Variants in ZNF614 observed in about 807,000 individuals in gnomAD.
ZNF614 encodes the protein zinc finger protein 614.
A neutral mutation model predicts 12.8 loss-of-function variants in ZNF614; 11 were observed. The observed-to-expected ratio is 0.86, with a 90% CI of 0.54 to 1.43. The LOEUF (loss-of-function observed/expected upper bound fraction) is 1.43, where lower values mean the gene tolerates loss of function less well. ZNF614 is among the 40% of genes most tolerant of loss of function. The pLI is 0.00. For missense variants in ZNF614, 664 were observed against 708.8 expected, an observed-to-expected ratio of 0.94 and a Z score of 0.72; for synonymous variants, 237 against 237.5, an observed-to-expected ratio of 1.00 and a Z score of 0.02.
At position 52,016,427 on chromosome 19, in the gene ZNF614, G is replaced by A. The variant is rs1288086201; in HGVS notation, c.1171C>T (p.Arg391Cys). The A allele has an allele frequency of 3.1e-6, 5 of 1,613,930 alleles. No homozygotes were observed. The highest frequency in any genetic ancestry group is 1.1e-5 in the South Asian group (1 of 91,074). ...TAAGATTTTTCTCCTGTGTGGGAGC[G>A]CTGATGTACAATGAGATTGCTCTTC... ...TVKSNLIVHQ[R>C]SHTGEKSYIC... is the part of the protein sequence containing the mutation. Residue 391 changes from arginine (R) to cysteine (C), a missense_variant, in exon 5 of 5, where the codon CGC becomes TGC. Transcript: ENST00000270649.
intron 2 of ZNF614, among the ~76,000 whole-genome samples, chr19:52,019,973 A>G (rs2086923610): frequency 6.6e-6 from 1 of 152,208 alleles, no homozygotes; most frequent in African/African-American, 2.4e-5. Flanking sequence ...TCATTCCAAA[A>G]TCTTTATGTG....
chr19:52,022,318 G>C (rs1000410902), intron 2 of ZNF614, among the ~76,000 whole-genome samples: 3 of 150,838 alleles, frequency 2.0e-5, no homozygotes, highest in Non-Finnish European at 4.4e-5. Flanking sequence ...TCTGGGAAGT[G>C]AGAAGCGCCT....
chr19:52,021,366 ATTTT>A (rs35777799), intron 2 of ZNF614, among the ~76,000 whole-genome samples: 1 of 146,950 alleles, frequency 6.8e-6, no homozygotes, highest in African/African-American at 2.6e-5. Flanking sequence ...AAAGTGTGAG[ATTTT>A]TTTTTTTAAG....
At chr19:52,025,449 G>A (rs139075645) in intron 2 of ZNF614, among the ~76,000 whole-genome samples, 146 of 152,094 alleles carry the variant, frequency 9.6e-4, no homozygotes, top group African/African-American at 3.3e-3. Context: ...TTAGCCTCCC[G>A]AGTAGCTGGG....
At chr19:52,027,745 T>A (rs1307240453) in intron 1 of ZNF614, among the ~76,000 whole-genome samples, 1 of 152,056 alleles carries the variant, frequency 6.6e-6, no homozygotes, top group Non-Finnish European at 1.5e-5. Context: ...CAAAACAGAA[T>A]GAGAGAGGAT....
At chr19:52,027,784 CTACAT>C (rs1233796255) in intron 1 of ZNF614, among the ~76,000 whole-genome samples, 10 of 152,144 alleles carry the variant, frequency 6.6e-5, no homozygotes, top group African/African-American at 2.2e-4. Context: ...TAATTGAAGA[CTACAT>C]TACCCTACTT....
chr19:52,023,236 T>G (rs910573542), intron 2 of ZNF614, among the ~76,000 whole-genome samples: 1 of 151,302 alleles, frequency 6.6e-6, no homozygotes, highest in Non-Finnish European at 1.5e-5. Context: ...TGGCACGATC[T>G]CAGTTCACTG....
intron 1 of ZNF614, among the ~76,000 whole-genome samples, chr19:52,026,280 T>C (rs2086971851): frequency 6.6e-6 from 1 of 152,224 alleles, no homozygotes; most frequent in African/African-American, 2.4e-5. Flanking sequence ...AGAGGCTCCA[T>C]TTTGTTCTGT....
chr19:52,020,583 GCA>G (rs2086927241), intron 2 of ZNF614, among the ~76,000 whole-genome samples: 1 of 152,136 alleles, frequency 6.6e-6, no homozygotes. Context: ...CATGATGTAG[GCA>G]CAGTTTATTG....
rs1170480097 is a variant in ZNF614 at position 52,015,684 on chromosome 19, A to G, written c.*156T>C. The G allele has an allele frequency of 1.4e-6, 1 of 690,522 alleles. No homozygotes were observed. The allele number at this position is 690,522 out of a possible 1,614,324, so 42.8% of individuals were successfully genotyped here. A position where few individuals can be genotyped will look rare whatever the true frequency, so the allele number is the denominator to read the frequency against. The stretch of plus-strand genomic sequence containing the variant: ...ATCAAATTGATCTCTAGGGCAAATT[A>G]TTTCACCTCCTGAGGACAGACACAC... On this transcript the variant is annotated 3_prime_UTR_variant, in exon 5 of 5. Coordinates refer to ENST00000270649, the MANE Select transcript of ZNF614 (RefSeq NM_025040.4).
rs930282549 is a variant in ZNF614, at chr19:52,013,902, G to T, written c.*1938C>A. On this transcript the variant is annotated 3_prime_UTR_variant, in exon 5 of 5. Coordinates refer to ENST00000270649, the MANE Select transcript of ZNF614 (RefSeq NM_025040.4). ...CTACCAATGTTGTTTTTCTGGTTTT[G>T]ATAATTATGGTTATATAGGATATTT... 6.6e-6 allele frequency: 1 copy of T among 152,140 alleles called. No homozygotes were observed. The highest frequency in any genetic ancestry group is 2.4e-5 in the African/African-American group (1 of 41,432). The allele number at this position is 152,140 out of a possible 1,614,324, so 9.4% of individuals were successfully genotyped here. A position where few individuals can be genotyped will look rare whatever the true frequency, so the allele number is the denominator to read the frequency against.
intron 1 of ZNF614, among the ~76,000 whole-genome samples, chr19:52,026,350 A>G (rs6509614): frequency 0.2 from 30,783 of 152,152 alleles, 4,232 homozygotes; most frequent in African/African-American, 0.39. Flanking sequence ...CTCCAACCCT[A>G]TGCTAGCAGA....
At position 52,015,629 on chromosome 19, in the gene ZNF614, A is replaced by G. The variant is rs2086891347; in HGVS notation, c.*211T>C. The G allele has an allele frequency of 2.0e-6, 1 of 498,268 alleles. No individual in the cohort carries two copies. Among genetic ancestry groups the G allele is most frequent in the Admixed American group, 3.7e-5 (1 of 27,094 alleles). 30.9% of individuals were successfully genotyped at this position (498,268 alleles called of 1,614,324 possible). A position where few individuals can be genotyped will look rare whatever the true frequency, so the allele number is the denominator to read the frequency against. ...GACAGAAAATATGAGGTAAAAGACC[A>G]CTAAAGGCACTACCTTATTTACTGT... On this transcript the variant is annotated 3_prime_UTR_variant, in exon 5 of 5. Coordinates refer to ENST00000270649, the MANE Select transcript of ZNF614 (RefSeq NM_025040.4).
intron 4 of ZNF614, chr19:52,017,658 GC>G (rs2123119362): frequency 2.7e-6 from 1 of 365,814 alleles, no homozygotes; most frequent in East Asian, 5.2e-5. Context: ...CCGAGATTGG[GC>G]CATTGCACTC....
intron 2 of ZNF614, among the ~76,000 whole-genome samples, chr19:52,020,936 C>A (rs1432900307): frequency 6.6e-6 from 1 of 152,144 alleles, no homozygotes; most frequent in African/African-American, 2.4e-5. Context: ...CTGTGCAGTA[C>A]CATCCTCCTG....
At chr19:52,021,267 C>T (rs1376556237) in intron 2 of ZNF614, among the ~76,000 whole-genome samples, 1 of 152,094 alleles carries the variant, frequency 6.6e-6, no homozygotes, top group Non-Finnish European at 1.5e-5. Flanking sequence ...GATCAGATTC[C>T]AACCCAGCTA....
rs62107522 is a variant in ZNF614, at chr19:52,026,735, G to C, written c.-216-774C>G. ...TCGTCCCTGGGAATGGAATGTCTCC[G>C]TGTAAAACCCCATTGTCTGTTCTAT... On this transcript the variant is annotated intron_variant, in intron 1 of 4. Transcript: ENST00000270649. 5.6e-3 allele frequency among the ~76,000 whole-genome samples: 852 copies of C among 152,308 alleles called. 4 individuals carry two copies. Among genetic ancestry groups the C allele is most frequent in the Middle Eastern group, 0.014 (4 of 294 alleles).
Position 52,017,047 on chromosome 19 carries a change from T to C in ZNF614, c.551A>G (p.Lys184Arg). ...HTKTRFSENAKCIHTKFQVFK... is the reference protein window; with the variant it reads ...HTKTRFSENARCIHTKFQVFK... ...GACTTGGAATTTAGTATGGATACATTTTGCATTTTCAGAAAATCTAGTTTT... is the reference window on the plus strand; with the variant it reads ...GACTTGGAATTTAGTATGGATACATCTTGCATTTTCAGAAAATCTAGTTTT... The change falls in exon 5 of 5, where the codon AAA becomes AGA. Residue 184 changes from lysine (K) to arginine (R), a missense_variant. Physicochemically the swap from Lys to Arg is conservative, Grantham distance 26. Coordinates refer to ENST00000270649, the MANE Select transcript of ZNF614 (RefSeq NM_025040.4). The C allele has an allele frequency of 1.2e-6, 2 of 1,614,154 alleles. No individual in the cohort carries two copies. The highest frequency in any genetic ancestry group is 1.7e-6 in the Non-Finnish European group (2 of 1,180,022).
At position 52,016,566 on chromosome 19, in the gene ZNF614, T is replaced by C. The variant is rs546525876; in HGVS notation, c.1032A>G (p.Ile344Met). ...TGAAGCCTTTTCCACATTCACTGCA[T>C]ATATAGGGTTTCTCCCCTGTATGAG... ...QRTHTGEKPYICSECGKGFTM... is the reference protein window; with the variant it reads ...QRTHTGEKPYMCSECGKGFTM... The change falls in exon 5 of 5, where the codon ATA becomes ATG. Residue 344 changes from isoleucine to methionine, a missense_variant. Transcript: ENST00000270649. 44 of 1,614,076 alleles carry C rather than the reference T, an allele frequency of 2.7e-5. No homozygotes were observed. In the East Asian group the frequency reaches 9.1e-4, roughly 34 times the overall value.
Sources: allele counts gnomAD v4.1 joint callset (sites outside exome capture counted in the v4.1 genomes callset), GRCh38; gene constraint gnomAD v4.1.1; transcripts MANE v1.5; gene names NCBI Gene and HGNC (gene_info 2026-07-23, HGNC 2026-07-21).